Variants in AGBL1 observed in about 807,000 individuals in gnomAD.
AGBL1 encodes the protein cytosolic carboxypeptidase 4.
A neutral mutation model predicts 118.9 loss-of-function variants in AGBL1; 130 were observed. The ratio of observed to expected loss-of-function variants is 1.09; its 90% CI spans 0.95 to 1.26. The LOEUF is 1.26. Among genes scored for constraint, AGBL1 ranks in the 50% most tolerant of loss-of-function variants. AGBL1 has a pLI of 0.00. For synonymous variants in AGBL1, 555 were observed against 478.9 expected (o/e 1.16, Z -2.08); for missense variants, 1,584 against 1,298.1 (o/e 1.22, Z -3.38).
chr15:86,962,095 T>A (rs1160376404), intron 23 of AGBL1, among the ~76,000 whole-genome samples: 1 of 152,144 alleles, frequency 6.6e-6, no homozygotes, highest in Non-Finnish European at 1.5e-5. Context: ...AATTGCAAAT[T>A]CAATTCTCAA....
chr15:86,142,950 C>T (rs921604400), intron 2 of AGBL1, among the ~76,000 whole-genome samples: 1 of 152,214 alleles, frequency 6.6e-6, no homozygotes, highest in Admixed American at 6.5e-5. Context: ...AGATGGTCGT[C>T]TTTGATAATG....
At chr15:87,016,277 A>G (rs1401107599) in intron 24 of AGBL1, among the ~76,000 whole-genome samples, 23 of 152,012 alleles carry the variant, frequency 1.5e-4, no homozygotes. Flanking sequence ...ATGTTCAGCC[A>G]TATTTCAGAT....
chr15:86,841,312 A>G (rs2079241459), intron 22 of AGBL1, among the ~76,000 whole-genome samples: 2 of 152,148 alleles, frequency 1.3e-5, no homozygotes, highest in Admixed American at 1.3e-4. Flanking sequence ...AAGAGAGAGG[A>G]GATGGAGTAT....
chr15:86,296,591 A>G (rs2079646855), intron 17 of AGBL1: 2 of 152,198 alleles, frequency 1.3e-5, no homozygotes, highest in Non-Finnish European at 2.9e-5. Context: ...TCGGAATTAT[A>G]TTTTCTCACA....
intron 17 of AGBL1, among the ~76,000 whole-genome samples, chr15:86,363,132 G>A (rs2080831267): frequency 6.6e-6 from 1 of 152,010 alleles, no homozygotes; most frequent in Non-Finnish European, 1.5e-5. Context: ...TTCTCAAAGG[G>A]GATCTCCTTG....
intron 24 of AGBL1, among the ~76,000 whole-genome samples, chr15:87,015,767 A>G (rs574852982): frequency 6.6e-6 from 1 of 152,282 alleles, no homozygotes; most frequent in South Asian, 2.1e-4. Flanking sequence ...TCAGGGATAG[A>G]GCTTTAAGTC....
chr15:86,413,570 A>G (rs1256955761), intron 18 of AGBL1, among the ~76,000 whole-genome samples: 1 of 152,024 alleles, frequency 6.6e-6, no homozygotes, highest in African/African-American at 2.4e-5. Context: ...GCCATTCTGA[A>G]TGGTATAAGA....
chr15:86,509,150 A>G (rs1325412298), intron 18 of AGBL1, among the ~76,000 whole-genome samples: 2 of 152,118 alleles, frequency 1.3e-5, no homozygotes, highest in Non-Finnish European at 2.9e-5. Flanking sequence ...ACGCACATAC[A>G]CTTTTCACCA....
intron 22 of AGBL1, among the ~76,000 whole-genome samples, chr15:86,863,962 G>C (rs2079592678): frequency 6.6e-6 from 1 of 152,158 alleles, no homozygotes; most frequent in Non-Finnish European, 1.5e-5. Context: ...GGGGATGGTA[G>C]GGTTTCAACA....
At chr15:86,877,223 G>A (rs1239745191) in intron 22 of AGBL1, among the ~76,000 whole-genome samples, 1 of 152,028 alleles carries the variant, frequency 6.6e-6, no homozygotes, top group Non-Finnish European at 1.5e-5. Context: ...CAGGCATCCT[G>A]GCTGCCACTC....
chr15:86,269,423 T>A (rs1048036223), intron 13 of AGBL1, among the ~76,000 whole-genome samples: 1 of 152,226 alleles, frequency 6.6e-6, no homozygotes, highest in Admixed American at 6.5e-5. Context: ...TTTTCTCTGG[T>A]ATATAGCACA....
chr15:86,207,338 AT>A (rs2078011342), intron 5 of AGBL1, among the ~76,000 whole-genome samples: 1 of 152,136 alleles, frequency 6.6e-6, no homozygotes, highest in African/African-American at 2.4e-5. Flanking sequence ...GATTTTTCCA[AT>A]TCTGTGAAGA....
chr15:86,528,781 C>T (rs1215429196), intron 19 of AGBL1, among the ~76,000 whole-genome samples: 1 of 50,632 alleles, frequency 2.0e-5, no homozygotes, highest in Non-Finnish European at 3.7e-5. Context: ...AGACTACCTC[C>T]TCAAGTGGGT....
chr15:86,738,898 G>A (rs2077638832), intron 22 of AGBL1, among the ~76,000 whole-genome samples: 1 of 151,854 alleles, frequency 6.6e-6, no homozygotes, highest in Non-Finnish European at 1.5e-5. Context: ...CAACAGTTTG[G>A]GAGTCCAAGG....
intron 18 of AGBL1, among the ~76,000 whole-genome samples, chr15:86,502,543 C>T (rs1309661319): frequency 6.6e-6 from 1 of 150,474 alleles, no homozygotes; most frequent in East Asian, 1.9e-4. Flanking sequence ...AGTCTTTTAT[C>T]ATTAAGTAAA....
intron 18 of AGBL1, among the ~76,000 whole-genome samples, chr15:86,451,014 C>G (rs765331651): frequency 1.3e-5 from 2 of 152,030 alleles, no homozygotes; most frequent in Non-Finnish European, 2.9e-5. Context: ...TAACGGATAT[C>G]CATTCTTTCT....
chr15:86,130,107 A>G (rs535877327), intron 1 of AGBL1, among the ~76,000 whole-genome samples: 2 of 152,242 alleles, frequency 1.3e-5, no homozygotes, highest in South Asian at 2.1e-4. Context: ...TGAAGTCCAC[A>G]CTGGCCTCTT....
At chr15:86,857,705 G>C (rs1274763056) in intron 22 of AGBL1, among the ~76,000 whole-genome samples, 1 of 152,086 alleles carries the variant, frequency 6.6e-6, no homozygotes, top group Non-Finnish European at 1.5e-5. Context: ...CTCCGTACTA[G>C]GCTCTGAGAT....
intron 22 of AGBL1, among the ~76,000 whole-genome samples, chr15:86,851,714 G>C (rs943459511): frequency 3.9e-5 from 6 of 152,156 alleles, no homozygotes; most frequent in South Asian, 2.1e-4. Context: ...AGGAAAGAAA[G>C]GCAGGGCATT....
Sources: allele counts gnomAD v4.1 joint callset (sites outside exome capture counted in the v4.1 genomes callset), GRCh38; gene constraint gnomAD v4.1.1; transcripts MANE v1.5; gene names NCBI Gene and HGNC (gene_info 2026-07-23, HGNC 2026-07-21).